Variants in EIF1AX observed in about 807,000 individuals in gnomAD.
EIF1AX encodes eukaryotic translation initiation factor 1A, X-chromosomal.
EIF1AX carries 1 observed loss-of-function variant against 16.1 expected under a neutral mutation model. The ratio of observed to expected loss-of-function variants is 0.06; its 90% CI spans 0.02 to 0.30. The LOEUF (loss-of-function observed/expected upper bound fraction) is 0.30, where lower values mean the gene tolerates loss of function less well. Ranked by LOEUF, EIF1AX falls within the 10% of genes least tolerant of loss-of-function variation. EIF1AX has a pLI of 1.00. For missense variants in EIF1AX, 11 were observed against 109.1 expected, an observed-to-expected ratio of 0.10 and a Z score of 4.00; for synonymous variants, 32 against 37.3, an observed-to-expected ratio of 0.86 and a Z score of 0.51.
chrX:20,132,085 CTAAAG>C (rs1219460278), intron 5 of EIF1AX, 92 bp downstream of exon 5: 2 of 618,010 alleles, frequency 3.2e-6, no homozygotes, highest in African/African-American at 4.6e-5. Context: ...AATGTGAGCA[CTAAAG>C]TAAATAAGCA....
rs369690006 is a variant in EIF1AX, at chrX:20,124,801, C to A, written c.*3505G>T. On this transcript the variant is annotated 3_prime_UTR_variant, in exon 7 of 7. Transcript: ENST00000379607. ...GAGACTTCATCTGTTAGTCTTATGC[C>A]AAATTAAATGAGTTTGGTAGCAATT... The A allele has an allele frequency of 7.8e-4, 113 of 144,499 alleles. No homozygotes were observed. The highest frequency in any genetic ancestry group is 2.8e-3 in the African/African-American group (89 of 32,182). The allele number at this position is 144,499 out of a possible 1,213,427, so 11.9% of individuals were successfully genotyped here.
At chrX:20,133,926 A>G in intron 4 of EIF1AX, 31 bp downstream of exon 4, 1 of 1,133,742 alleles carries the variant, frequency 8.8e-7, no homozygotes, top group Non-Finnish European at 1.2e-6. Context: ...TCAAGCCAGT[A>G]AAATAGGAAA....
chrX:20,141,002 A>G (rs754217423), intron 1 of EIF1AX, among the ~76,000 whole-genome samples: 44 of 111,569 alleles, frequency 3.9e-4, no homozygotes, highest in Non-Finnish European at 7.3e-4. Context: ...CTGAAGCAAA[A>G]GTAGAAAACT....
At chrX:20,133,854 C>T (rs1483610613) in intron 4 of EIF1AX, 103 bp downstream of exon 4, 3 of 619,671 alleles carry the variant, frequency 4.8e-6, no homozygotes, top group Middle Eastern at 4.0e-4. Context: ...AAACATAAAT[C>T]CCTGGGATAC....
At chrX:20,140,271 T>C (rs1308748649) in intron 1 of EIF1AX, 1 of 111,865 alleles carries the variant, frequency 8.9e-6, no homozygotes, top group African/African-American at 3.3e-5. Context: ...TTATTAAGCA[T>C]CTACTAATTG....
At chrX:20,131,804 C>T (rs1257487794) in intron 5 of EIF1AX, among the ~76,000 whole-genome samples, 4 of 106,621 alleles carry the variant, frequency 3.8e-5, no homozygotes, top group African/African-American at 1.4e-4. Flanking sequence ...GCAATCCTCC[C>T]GTCTTGGCCT....
At chrX:20,130,299 T>C (rs370965816) in intron 6 of EIF1AX, among the ~76,000 whole-genome samples, 131 of 10,324 alleles carry the variant, frequency 0.013, no homozygotes, top group African/African-American at 0.052. Flanking sequence ...CAAAACTCCA[T>C]CACAAAAAAA....
intron 2 of EIF1AX, among the ~76,000 whole-genome samples, chrX:20,137,929 G>C (rs1320647653): frequency 9.4e-6 from 1 of 106,328 alleles, no homozygotes; most frequent in Non-Finnish European, 1.9e-5. Flanking sequence ...CATGGTGGGA[G>C]AATCACTTGA....
At chrX:20,128,461 T>C (rs1177380056) in intron 6 of EIF1AX, 150 bp from the exon 7 acceptor site, 5 of 403,350 alleles carry the variant, frequency 1.2e-5, no homozygotes, top group Non-Finnish European at 2.1e-5. Context: ...TGGCCTGCTA[T>C]AAGTAAATCG....
At chrX:20,130,445 G>C in intron 6 of EIF1AX, 71 bp downstream of exon 6, 3 of 1,046,277 alleles carry the variant, frequency 2.9e-6, no homozygotes, top group Non-Finnish European at 3.7e-6. Context: ...AAAATTAATG[G>C]ATGTTAGGGG....
Position 20,126,608 on chromosome X carries a change from A to T in EIF1AX, c.*1698T>A, listed in dbSNP as rs1319568473. 38 of 131,058 alleles carry T rather than the reference A, an allele frequency of 2.9e-4. No homozygotes were observed. In the East Asian group the frequency reaches 4.7e-3, roughly 16 times the overall value. 10.8% of individuals were successfully genotyped at this position (131,058 alleles called of 1,213,427 possible). ...AAGGATCTATATATACTGTAAATTT[A>T]GCAAAAACACTTTTATGTACAGAAG... On this transcript the variant is annotated 3_prime_UTR_variant, in exon 7 of 7. Coordinates refer to ENST00000379607, the MANE Select transcript of EIF1AX (RefSeq NM_001412.4).
At chrX:20,133,896 TAAG>T in intron 4 of EIF1AX, 58 bp downstream of exon 4, 3 of 947,189 alleles carry the variant, frequency 3.2e-6, no homozygotes. Context: ...AACTGGCTCT[TAAG>T]AAATGGCTCA....
intron 2 of EIF1AX, chrX:20,136,327 G>C: frequency 5.6e-6 from 2 of 359,146 alleles, no homozygotes; most frequent in Non-Finnish European, 1.1e-5. Flanking sequence ...TAGAGATCAT[G>C]CATCAGGTAG....
chrX:20,140,096 G>C (rs190310126), intron 1 of EIF1AX: 1 of 112,390 alleles, frequency 8.9e-6, no homozygotes, highest in East Asian at 2.8e-4. Context: ...CTTTAAACCA[G>C]AGTTGTTTTG....
At chrX:20,137,253 G>C (rs1158736351) in intron 2 of EIF1AX, among the ~76,000 whole-genome samples, 2 of 110,687 alleles carry the variant, frequency 1.8e-5, no homozygotes, top group South Asian at 3.8e-4. Flanking sequence ...GACCCATCCT[G>C]GCTAACACAG....
At chrX:20,129,141 T>C (rs2066993818) in intron 6 of EIF1AX, among the ~76,000 whole-genome samples, 1 of 111,767 alleles carries the variant, frequency 8.9e-6, no homozygotes, top group Admixed American at 9.5e-5. Context: ...GAACAACATG[T>C]TTATTTCTCA....
intron 2 of EIF1AX, chrX:20,136,245 A>AC (rs2067016534): frequency 1.2e-5 from 4 of 347,607 alleles, no homozygotes; most frequent in South Asian, 2.6e-5. Flanking sequence ...ACACACACAC[A>AC]CCCCCCACAC....
intron 6 of EIF1AX, among the ~76,000 whole-genome samples, chrX:20,129,548 A>G (rs1689606312): frequency 8.9e-6 from 1 of 112,740 alleles, no homozygotes; most frequent in African/African-American, 3.2e-5. Flanking sequence ...CTGCCAAAAG[A>G]TTAAGTTTGA....
At chrX:20,130,708 T>A in intron 5 of EIF1AX, 101 bp from the exon 6 acceptor site, 1 of 812,209 alleles carries the variant, frequency 1.2e-6, no homozygotes, top group Admixed American at 5.0e-5. Context: ...CTATAAAGAA[T>A]ATTTTATGAA....
Sources: allele counts gnomAD v4.1 joint callset (sites outside exome capture counted in the v4.1 genomes callset), GRCh38; gene constraint gnomAD v4.1.1; transcripts MANE v1.5; gene names NCBI Gene and HGNC (gene_info 2026-07-23, HGNC 2026-07-21).